The following ABCC6 variants were observed in gnomAD, a reference collection of about 807,000 sequenced individuals.
The protein encoded by ABCC6 is ATP binding cassette subfamily C member 6.
ABCC6 carries 126 observed loss-of-function variants against 169.5 expected under a neutral mutation model. That is an observed-to-expected ratio of 0.74 (90% CI 0.64 to 0.86). ABCC6 has a LOEUF of 0.86. ABCC6 is among the 40% of genes least tolerant of loss of function. The pLI is 0.00. For synonymous variants in ABCC6, 752 were observed against 814.7 expected (o/e 0.92, Z 1.31); for missense variants, 1,733 against 1,927.2 (o/e 0.90, Z 1.89).
At chr16:16,202,620 G>T (rs1317042114) in intron 8 of ABCC6, among the ~76,000 whole-genome samples, 1 of 151,824 alleles carries the variant, frequency 6.6e-6, no homozygotes, top group Non-Finnish European at 1.5e-5. Context: ...ACACCAGGGG[G>T]CGCAAACAGA....
At chr16:16,214,196 C>T (rs971405034) in intron 5 of ABCC6, 128 bp downstream of exon 5, 12 of 1,529,176 alleles carry the variant, frequency 7.8e-6, no homozygotes, top group African/African-American at 4.1e-5. Context: ...ACTGTGGCAT[C>T]GAGTAGAAAT....
chr16:16,182,913 G>C lies in ABCC6; in HGVS notation c.1961C>G (p.Pro654Arg). 1 of 1,614,108 alleles carries C rather than the reference G, an allele frequency of 6.2e-7. No homozygotes were observed. The highest frequency in any genetic ancestry group is 8.5e-7 in the Non-Finnish European group (1 of 1,179,990). Reference sequence around the variant, plus strand: ...GACAACAGCCAGCAGACAGCCCTGGGGCACCGTGAGGTTTATTCTGGACAC... The same window carrying C: ...GACAACAGCCAGCAGACAGCCCTGGCGCACCGTGAGGTTTATTCTGGACAC... ...PCLHRINLTVPQGCLLAVVGP... is the reference protein window; with the variant it reads ...PCLHRINLTVRQGCLLAVVGP... The change falls in exon 16 of 31, where the codon CCC (proline) becomes CGC (arginine). Residue 654 changes from proline to arginine, a missense_variant. Coordinates refer to ENST00000205557, the MANE Select transcript of ABCC6 (RefSeq NM_001171.6).
At chr16:16,173,583 T>C (rs568002161) in intron 20 of ABCC6, among the ~76,000 whole-genome samples, 179 bp from the exon 21 acceptor site, 124 of 152,224 alleles carry the variant, frequency 8.1e-4, no homozygotes, top group African/African-American at 2.9e-3. Flanking sequence ...TCCCATATGG[T>C]ACCCAGCTAA....
intron 28 of ABCC6, 33 bp downstream of exon 28, chr16:16,154,840 C>G (rs766760351): frequency 1.9e-6 from 3 of 1,610,450 alleles, no homozygotes; most frequent in Non-Finnish European, 2.5e-6. Flanking sequence ...CACCATGCCT[C>G]CCATCTTTGC....
Position 16,182,944 on chromosome 16 carries a change from A to AG in ABCC6, c.1944-15dup. 2 of 1,614,076 alleles carry AG rather than the reference A, an allele frequency of 1.2e-6. No homozygotes were observed. Among genetic ancestry groups the AG allele is most frequent in the Non-Finnish European group, 1.7e-6 (2 of 1,179,998 alleles). ...GTGAGGTTTATTCTGGACACGCAAG[A>AG]GGGGAGACATGACCTTGGTTAGGGT... On this transcript the variant is annotated splice_polypyrimidine_tract_variant and intron_variant, in intron 15 of 30. Coordinates refer to ENST00000205557, the MANE Select transcript of ABCC6 (RefSeq NM_001171.6).
intron 27 of ABCC6, 133 bp downstream of exon 27, chr16:16,157,530 T>C (rs193298071): frequency 8.7e-7 from 1 of 1,152,032 alleles, no homozygotes; most frequent in South Asian, 1.3e-5. Context: ...TTTTAGGGGG[T>C]AATGGGTCTG....
At chr16:16,211,209 C>G (rs2048606811) in intron 6 of ABCC6, among the ~76,000 whole-genome samples, 1 of 152,014 alleles carries the variant, frequency 6.6e-6, no homozygotes. Flanking sequence ...TCAGATCAGC[C>G]TGACCAACAT....
chr16:16,170,013 C>T (rs1018914364), intron 21 of ABCC6, among the ~76,000 whole-genome samples, 160 bp from the exon 22 acceptor site: 1 of 152,180 alleles, frequency 6.6e-6, no homozygotes, highest in African/African-American at 2.4e-5. Context: ...CCAGAAGCAC[C>T]ATTTCCCCGA....
intron 8 of ABCC6, among the ~76,000 whole-genome samples, chr16:16,203,136 G>T (rs1252977842): frequency 2.0e-5 from 3 of 152,178 alleles, no homozygotes; most frequent in Non-Finnish European, 4.4e-5. Flanking sequence ...CTAAATAAAA[G>T]AATGTTTGTC....
At chr16:16,187,991 G>A (rs2047708471) in intron 13 of ABCC6, among the ~76,000 whole-genome samples, 1 of 151,962 alleles carries the variant, frequency 6.6e-6, no homozygotes, top group African/African-American at 2.4e-5. Flanking sequence ...TAGCACTTTG[G>A]GAGGCTGAGG....
chr16:16,197,915 C>T lies in ABCC6; in HGVS notation c.1338+106G>A, dbSNP rs2048103786. The T allele has an allele frequency of 7.5e-6, 10 of 1,341,040 alleles. No homozygotes were observed. In the Admixed American group the frequency reaches 2.2e-4, roughly 29 times the overall value. The allele number at this position is 1,341,040 out of a possible 1,614,324, so 83.1% of individuals were successfully genotyped here. A position where few individuals can be genotyped will look rare whatever the true frequency, so the allele number is the denominator to read the frequency against. On this transcript the variant is annotated intron_variant, in intron 10 of 30. Transcript: ENST00000205557. ...GGTCACAGCGGACCTCTTCCAGCCT[C>T]TTGAATGCTAAGTCAGGAGGAGGAA...
intron 13 of ABCC6, among the ~76,000 whole-genome samples, 160 bp downstream of exon 13, chr16:16,188,671 C>T (rs1260468973): frequency 2.0e-5 from 3 of 152,204 alleles, no homozygotes; most frequent in Non-Finnish European, 4.4e-5. Context: ...CTGCCCGCCT[C>T]TGTTCTTGCC....
At chr16:16,161,585 A>G (rs1427560189) in intron 24 of ABCC6, 21 bp from the exon 25 acceptor site, 1 of 1,613,682 alleles carries the variant, frequency 6.2e-7, no homozygotes, top group Admixed American at 1.7e-5. Flanking sequence ...AAGCGACAGC[A>G]GGGTGAGTGG....
At chr16:16,186,789 C>T (rs1008193916) in intron 14 of ABCC6, among the ~76,000 whole-genome samples, 2 of 151,858 alleles carry the variant, frequency 1.3e-5, no homozygotes, top group Admixed American at 6.6e-5. Flanking sequence ...CCCAAAACCA[C>T]GCGCCTCTCC....
chr16:16,221,108 G>A, intron 2 of ABCC6: 1 of 792,174 alleles, frequency 1.3e-6, no homozygotes, highest in Non-Finnish European at 1.6e-6. Context: ...TACAATGGCA[G>A]AAGAATGAAT....
At chr16:16,205,492 C>A (rs969251948) in intron 7 of ABCC6, among the ~76,000 whole-genome samples, 7 of 152,066 alleles carry the variant, frequency 4.6e-5, no homozygotes, top group Admixed American at 2.6e-4. Flanking sequence ...AGGCCAAGGT[C>A]TCTGTCCCAC....
Position 16,150,063 on chromosome 16 carries a change from G to A in ABCC6, c.*70C>T. The A allele has an allele frequency of 1.9e-6, 3 of 1,597,176 alleles. No individual in the cohort carries two copies. Among genetic ancestry groups the A allele is most frequent in the Non-Finnish European group, 2.6e-6 (3 of 1,172,514 alleles). ...TCGTGTGGAGCTATCGATGACCACGGGTCACTTCCATCTCCAGCACTGCAG... is the reference window on the plus strand; with the variant it reads ...TCGTGTGGAGCTATCGATGACCACGAGTCACTTCCATCTCCAGCACTGCAG... On this transcript the variant is annotated 3_prime_UTR_variant, in exon 31 of 31. Coordinates refer to ENST00000205557, the MANE Select transcript of ABCC6 (RefSeq NM_001171.6).
chr16:16,195,760 A>G (rs2048017798), intron 10 of ABCC6, among the ~76,000 whole-genome samples: 1 of 152,146 alleles, frequency 6.6e-6, no homozygotes. Context: ...TTATGTTGTA[A>G]TTGCTAAGCA....
chr16:16,212,556 T>G (rs2048671612), intron 5 of ABCC6, among the ~76,000 whole-genome samples: 1 of 151,050 alleles, frequency 6.6e-6, no homozygotes, highest in South Asian at 2.1e-4. Flanking sequence ...GTGATCTGCC[T>G]ATCTCGGCCT....
Sources: gnomAD v4.1 joint callset for allele counts (sites outside exome capture counted in the v4.1 genomes callset) on GRCh38, gnomAD v4.1.1 for gene constraint, MANE v1.5 for transcripts, NCBI Gene and HGNC (gene_info 2026-07-23, HGNC 2026-07-21) for gene names.